DOCK4: variants seen among roughly 807,000 people sequenced by gnomAD.
DOCK4 encodes dedicator of cytokinesis protein 4.
In DOCK4, 97 loss-of-function variants were observed where a neutral mutation model predicts 268.1. That is an observed-to-expected ratio of 0.36 (90% CI 0.31 to 0.43). DOCK4 has a LOEUF of 0.43. Ranked by LOEUF, DOCK4 falls within the 20% of genes least tolerant of loss-of-function variation. DOCK4 has a pLI of 1.00. For missense variants in DOCK4, 2,145 were observed against 2,455.7 expected (o/e 0.87, Z 2.67); for synonymous variants, 954 against 887.2 (o/e 1.08, Z -1.34).
chr7:112,075,875 T>C (rs12665946), intron 1 of DOCK4, among the ~76,000 whole-genome samples: 78,992 of 151,950 alleles, frequency 0.52, 22,875 homozygotes, highest in African/African-American at 0.79. Context: ...CTTCTAATTT[T>C]CATTTTCTGT....
rs887908607 is a variant in DOCK4 at position 112,112,179 on chromosome 7, G to A, written c.37+93923C>T. Among the ~76,000 whole-genome samples, 56 of 152,176 alleles carry A rather than the reference G, an allele frequency of 3.7e-4. 1 individual carries two copies. The highest frequency in any genetic ancestry group is 1.3e-3 in the African/African-American group (54 of 41,432). Reference sequence around the variant, plus strand: ...GGGCTGGGCTTGGGTCATGGCGGCAGATCCTTCATGAATGGCTTGGTGCCT... The same window carrying A: ...GGGCTGGGCTTGGGTCATGGCGGCAAATCCTTCATGAATGGCTTGGTGCCT... On this transcript the variant is annotated intron_variant, in intron 1 of 52. Coordinates refer to ENST00000428084, the MANE Select transcript of DOCK4 (RefSeq NM_001363540.2).
At chr7:111,732,838 C>T (rs938380948) in intron 51 of DOCK4, among the ~76,000 whole-genome samples, 2 of 152,200 alleles carry the variant, frequency 1.3e-5, no homozygotes, top group Non-Finnish European at 2.9e-5. Flanking sequence ...TCCATTTCTT[C>T]CCCTAATGCT....
intron 26 of DOCK4, among the ~76,000 whole-genome samples, chr7:111,823,721 T>C (rs911606808): frequency 6.6e-6 from 1 of 152,158 alleles, no homozygotes; most frequent in Admixed American, 6.5e-5. Flanking sequence ...TCTAGGAAAA[T>C]ATATTTCTCT....
intron 1 of DOCK4, among the ~76,000 whole-genome samples, chr7:112,129,679 T>C (rs1813615040): frequency 6.6e-6 from 1 of 152,134 alleles, no homozygotes; most frequent in African/African-American, 2.4e-5. Context: ...TAGACTCTTG[T>C]GAGTCTATAA....
intron 11 of DOCK4, 63 bp downstream of exon 11, chr7:111,940,047 C>T (rs1416391681): frequency 1.3e-6 from 2 of 1,565,572 alleles, no homozygotes; most frequent in Admixed American, 1.7e-5. Context: ...TAGCATTCGC[C>T]CAAGTAGGAC....
chr7:112,165,873 C>CACTTAAA (rs1817571840), intron 1 of DOCK4, among the ~76,000 whole-genome samples: 2 of 152,062 alleles, frequency 1.3e-5, no homozygotes, highest in Non-Finnish European at 2.9e-5. Flanking sequence ...GTCACGTTTC[C>CACTTAAA]CATCCTATGC....
chr7:112,043,655 C>T (rs540076708), intron 1 of DOCK4, among the ~76,000 whole-genome samples: 2 of 152,068 alleles, frequency 1.3e-5, no homozygotes, highest in Admixed American at 6.5e-5. Flanking sequence ...CAACCAATTA[C>T]AAGCACCAGT....
chr7:111,800,115 G>A (rs1054559564), intron 30 of DOCK4, among the ~76,000 whole-genome samples: 1 of 151,698 alleles, frequency 6.6e-6, no homozygotes, highest in Admixed American at 6.6e-5. Flanking sequence ...AGTTTAATAC[G>A]ACTTTTTTAC....
chr7:112,205,912 C>T (rs574585090), intron 1 of DOCK4, among the ~76,000 whole-genome samples, 190 bp downstream of exon 1: 1 of 152,256 alleles, frequency 6.6e-6, no homozygotes, highest in Non-Finnish European at 1.5e-5. Flanking sequence ...GCCGAGCAGG[C>T]GGTGCGGGGC....
chr7:111,861,099 G>A (rs1381761642), intron 23 of DOCK4, among the ~76,000 whole-genome samples: 1 of 152,172 alleles, frequency 6.6e-6, no homozygotes, highest in Non-Finnish European at 1.5e-5. Context: ...TGGTGTTTGA[G>A]TTAAAGCAGG....
At chr7:112,184,153 TTAACAG>T (rs1203874321) in intron 1 of DOCK4, among the ~76,000 whole-genome samples, 1 of 152,194 alleles carries the variant, frequency 6.6e-6, no homozygotes, top group African/African-American at 2.4e-5. Context: ...AGACCTGTAT[TTAACAG>T]ATGCATGAGT....
chr7:111,776,447 A>G (rs1396356066), intron 36 of DOCK4, among the ~76,000 whole-genome samples: 1 of 152,222 alleles, frequency 6.6e-6, no homozygotes, highest in Non-Finnish European at 1.5e-5. Flanking sequence ...GAAGCAACAG[A>G]AGAAAATCAG....
chr7:111,942,107 T>C (rs1795257037), intron 10 of DOCK4, among the ~76,000 whole-genome samples: 1 of 152,140 alleles, frequency 6.6e-6, no homozygotes. Context: ...TTCTAGCACA[T>C]TCTCTAAGTA....
intron 42 of DOCK4, among the ~76,000 whole-genome samples, chr7:111,749,354 G>A (rs1796482501): frequency 1.3e-5 from 2 of 152,152 alleles, no homozygotes; most frequent in South Asian, 2.1e-4. Context: ...TAGGGGAAAG[G>A]GGAGAGGAGA....
rs766058170 is a variant in DOCK4 at position 111,728,545 on chromosome 7, G to A, written c.5657C>T (p.Pro1886Leu). Residue 1886 changes from proline to leucine, a missense_variant, in exon 53 of 53, where the codon CCG (proline) becomes CTG (leucine). By Grantham distance (98) the Pro-to-Leu change is moderately conservative. Around this residue, in one of 2 missense-constraint regions of DOCK4, gnomAD observed 547 missense variants for 469.0 expected, o/e 1.17. Transcript: ENST00000428084. Reference sequence around the variant, plus strand: ...CGGCACGGGCACCGGCACTGGCACCGGCAGGGGGGCCGACTGTTCATTCAC... The same window carrying A: ...CGGCACGGGCACCGGCACTGGCACCAGCAGGGGGGCCGACTGTTCATTCAC... ...NQVNEQSAPLPVPVPVPVPSY... is the reference protein window; with the variant it reads ...NQVNEQSAPLLVPVPVPVPSY... The A allele has an allele frequency of 3.1e-6, 5 of 1,613,818 alleles. No individual in the cohort carries two copies. Among genetic ancestry groups the A allele is most frequent in the South Asian group, 2.2e-5 (2 of 91,086 alleles).
intron 25 of DOCK4, among the ~76,000 whole-genome samples, chr7:111,837,872 A>C (rs569806617): frequency 1.3e-5 from 2 of 152,190 alleles, no homozygotes; most frequent in East Asian, 1.9e-4. Context: ...GAGTCACCTG[A>C]GGTCAGGAGT....
chr7:111,986,354 T>C (rs984488067), intron 6 of DOCK4, among the ~76,000 whole-genome samples: 2 of 152,206 alleles, frequency 1.3e-5, no homozygotes, highest in Non-Finnish European at 2.9e-5. Context: ...CAAGCCTTTT[T>C]CTCCCATAGT....
chr7:111,810,827 T>A (rs1275571286), intron 28 of DOCK4, among the ~76,000 whole-genome samples: 1 of 151,782 alleles, frequency 6.6e-6, no homozygotes, highest in Non-Finnish European at 1.5e-5. Context: ...CAAAACCCCA[T>A]ACTACTACTA....
chr7:112,156,811 A>C (rs1476029218), intron 1 of DOCK4, among the ~76,000 whole-genome samples: 1 of 152,186 alleles, frequency 6.6e-6, no homozygotes, highest in Non-Finnish European at 1.5e-5. Context: ...ACAAAGAAAG[A>C]AAATGGACAA....
Sources: gnomAD v4.1 joint callset for allele counts (sites outside exome capture counted in the v4.1 genomes callset) on GRCh38, gnomAD v4.1.1 for gene constraint, gnomAD v4.1.1 regional missense constraint, MANE v1.5 for transcripts, NCBI Gene and HGNC (gene_info 2026-07-23, HGNC 2026-07-21) for gene names.